The following ABL2 variants were observed in gnomAD, a reference collection of about 807,000 sequenced individuals.
ABL2 encodes tyrosine-protein kinase ABL2.
In ABL2, 49 loss-of-function variants were observed where a neutral mutation model predicts 107.7. The ratio of observed to expected loss-of-function variants is 0.45; its 90% CI spans 0.36 to 0.58. The LOEUF (loss-of-function observed/expected upper bound fraction) is 0.58, where lower values mean the gene tolerates loss of function less well. Ranked by LOEUF, ABL2 falls within the 20% of genes least tolerant of loss-of-function variation. The pLI, the probability that ABL2 is intolerant of heterozygous loss-of-function variation, is 0.00. For missense variants in ABL2, 1,245 were observed against 1,457.0 expected, an observed-to-expected ratio of 0.85 and a Z score of 2.37; for synonymous variants, 549 against 548.6, an observed-to-expected ratio of 1.00 and a Z score of -0.01.
chr1:179,106,745 G>C lies in ABL2; in HGVS notation c.*973C>G, dbSNP rs1653495054. ...TTTAGTTGATAAAGAAAAATACACAGCTGCTCAAGTCCTTGGCCAGTATGT... is the reference window on the plus strand; with the variant it reads ...TTTAGTTGATAAAGAAAAATACACACCTGCTCAAGTCCTTGGCCAGTATGT... On this transcript the variant is annotated 3_prime_UTR_variant, in exon 12 of 12. Transcript: ENST00000502732. 4.3e-6 allele frequency: 1 copy of C among 232,128 alleles called. No homozygotes were observed. The highest frequency in any genetic ancestry group is 8.5e-6 in the Non-Finnish European group (1 of 117,412). 14.4% of individuals were successfully genotyped at this position (232,128 alleles called of 1,614,324 possible). A position where few individuals can be genotyped will look rare whatever the true frequency, so the allele number is the denominator to read the frequency against.
At chr1:179,133,529 A>C (rs1489652437) in intron 1 of ABL2, among the ~76,000 whole-genome samples, 155 bp from the exon 2 acceptor site, 1 of 152,088 alleles carries the variant, frequency 6.6e-6, no homozygotes, top group African/African-American at 2.4e-5. Flanking sequence ...CCATACCTCA[A>C]ATTGTAAACT....
In ABL2 at chr1:179,108,445, T is replaced by C; in HGVS notation, c.2822A>G (p.His941Arg). The change falls in exon 12 of 12, where the codon CAC (histidine) becomes CGC (arginine). Residue 941 changes from histidine (H) to arginine (R), a missense_variant. Coordinates refer to ENST00000502732, the MANE Select transcript of ABL2 (RefSeq NM_007314.4). ...AATGAGCTGCACGTCAGCTGGAGTG[T>C]GTTTCAGAGTGGGTGAGATAAGGAC... is the stretch of plus-strand genomic sequence containing the variant. Reference protein sequence around the residue: ...VPVLISPTLKHTPADVQLIGT... With the variant: ...VPVLISPTLKRTPADVQLIGT... The C allele has an allele frequency of 1.9e-6, 3 of 1,614,216 alleles. No homozygotes were observed. Among genetic ancestry groups the C allele is most frequent in the Non-Finnish European group, 2.5e-6 (3 of 1,180,044 alleles).
chr1:179,124,157 C>T (rs1054177121), intron 4 of ABL2, among the ~76,000 whole-genome samples: 7 of 151,356 alleles, frequency 4.6e-5, no homozygotes, highest in Admixed American at 2.0e-4. Flanking sequence ...AGGAGAACGG[C>T]GTGAACCTGG....
At chr1:179,180,186 T>C (rs928746113) in intron 1 of ABL2, among the ~76,000 whole-genome samples, 1 of 152,008 alleles carries the variant, frequency 6.6e-6, no homozygotes, top group Non-Finnish European at 1.5e-5. Flanking sequence ...GGACAGGCTA[T>C]ATTTACAGGC....
At chr1:179,124,649 A>G (rs145084054) in intron 4 of ABL2, among the ~76,000 whole-genome samples, 2 of 151,560 alleles carry the variant, frequency 1.3e-5, no homozygotes, top group Admixed American at 1.3e-4. Context: ...TTGTATTTGT[A>G]GTAGAGACAG....
intron 1 of ABL2, among the ~76,000 whole-genome samples, chr1:179,185,135 T>C (rs1660611220): frequency 6.6e-6 from 1 of 152,202 alleles, no homozygotes; most frequent in Non-Finnish European, 1.5e-5. Flanking sequence ...TTTACCAATA[T>C]GCATCTGTCT....
At chr1:179,195,541 A>C (rs1021081835) in intron 1 of ABL2, among the ~76,000 whole-genome samples, 1 of 152,188 alleles carries the variant, frequency 6.6e-6, no homozygotes. Flanking sequence ...TATATATTCA[A>C]AAGAATTGAA....
intron 1 of ABL2, among the ~76,000 whole-genome samples, chr1:179,148,622 C>G (rs1658167592): frequency 6.6e-6 from 1 of 152,156 alleles, no homozygotes; most frequent in South Asian, 2.1e-4. Context: ...TAGGCCAAAA[C>G]TGGGCACAGT....
chr1:179,164,311 A>G (rs796459532), intron 1 of ABL2, among the ~76,000 whole-genome samples: 12 of 152,342 alleles, frequency 7.9e-5, no homozygotes, highest in African/African-American at 2.6e-4. Flanking sequence ...ACACATAGTT[A>G]TTATTGAATA....
Position 179,178,633 on chromosome 1 carries a change from TA to T in ABL2, c.158-45260del, listed in dbSNP as rs751138939. Among the ~76,000 whole-genome samples the T allele has an allele frequency of 3.1e-4, 47 of 152,250 alleles. 2 individuals are homozygous for T. Among genetic ancestry groups the T allele is most frequent in the Admixed American group, 9.2e-4 (14 of 15,280 alleles). ...GGGCGGGCATGGTGGCTCATGCCTG[TA>T]ATTCCAGCACTTTGGGAGGCCAAGG... On this transcript the variant is annotated intron_variant, in intron 1 of 11. Transcript: ENST00000502732.
rs201918786 is a variant in ABL2, at chr1:179,121,885, A to C, written c.688-18T>G. 3.5e-5 allele frequency: 54 copies of C among 1,562,726 alleles called. No homozygotes were observed. Among genetic ancestry groups the C allele is most frequent in the Non-Finnish European group, 4.3e-5 (50 of 1,158,372 alleles). On this transcript the variant is annotated intron_variant, in intron 4 of 11. Transcript: ENST00000502732. ...ACATACACCTGGTAAGAAAAGGAGA[A>C]AAGCTAAACAACTTGAAAAGAGATT...
At chr1:179,187,055 T>G (rs1482553247) in intron 1 of ABL2, among the ~76,000 whole-genome samples, 1 of 152,168 alleles carries the variant, frequency 6.6e-6, no homozygotes, top group Non-Finnish European at 1.5e-5. Context: ...TAGTGTACTT[T>G]TCAGTGTCCA....
intron 8 of ABL2, chr1:179,117,114 CGTGAG>C: frequency 1.8e-6 from 1 of 558,000 alleles, no homozygotes; most frequent in Non-Finnish European, 3.1e-6. Context: ...TAATTACAAA[CGTGAG>C]CCACCACACC....
intron 1 of ABL2, among the ~76,000 whole-genome samples, chr1:179,134,840 C>T (rs1266230700): frequency 1.3e-5 from 2 of 152,248 alleles, no homozygotes; most frequent in African/African-American, 4.8e-5. Context: ...CCTGATTCTC[C>T]TGCCTCAGCT....
chr1:179,129,662 A>T (rs1288533732), intron 3 of ABL2, among the ~76,000 whole-genome samples: 1 of 151,042 alleles, frequency 6.6e-6, no homozygotes, highest in Non-Finnish European at 1.5e-5. Context: ...AGCCTGGGTG[A>T]CAGAGCGAGA....
rs1454401616 is a variant in ABL2 at position 179,110,317 on chromosome 1, T to C, written c.1790A>G (p.Asp597Gly). 2.4e-5 allele frequency: 38 copies of C among 1,614,082 alleles called. No individual in the cohort carries two copies. Among genetic ancestry groups the C allele is most frequent in the Non-Finnish European group, 3.1e-5 (36 of 1,180,032 alleles). ...ENKENIEGAQ[D>G]ATENSASSLA... ...ACTGGAAGCAGAATTTTCTGTGGCA[T>C]CTTGTGCCCCTTCAATGTTCTCCTT... The change falls in exon 11 of 12, where the codon GAT becomes GGT. Residue 597 changes from aspartate (D) to glycine (G), a missense_variant. Coordinates refer to ENST00000502732, the MANE Select transcript of ABL2 (RefSeq NM_007314.4).
At chr1:179,138,133 GC>G (rs1344441568) in intron 1 of ABL2, among the ~76,000 whole-genome samples, 2 of 152,134 alleles carry the variant, frequency 1.3e-5, no homozygotes, top group Non-Finnish European at 1.5e-5. Flanking sequence ...TATGAAACCT[GC>G]CCCCTGCCTG....
rs1034709663 is a variant in ABL2 at position 179,194,227 on chromosome 1, T to C, written c.157+35014A>G. Among the ~76,000 whole-genome samples, 6 of 152,326 alleles carry C rather than the reference T, an allele frequency of 3.9e-5. No homozygotes were observed. In the East Asian group the frequency reaches 5.8e-4, roughly 15 times the overall value. On this transcript the variant is annotated intron_variant, in intron 1 of 11. Transcript: ENST00000502732. The stretch of plus-strand genomic sequence containing the variant: ...TTTTTTTGACAAATACCATTTCCAG[T>C]GTTTCAAATACAATAACCTCTTTCA...
intron 1 of ABL2, among the ~76,000 whole-genome samples, chr1:179,173,358 A>ATTTTTT (rs554479137): frequency 2.8e-5 from 3 of 106,122 alleles, no homozygotes; most frequent in African/African-American, 7.5e-5. Context: ...AAAGGCTGTA[A>ATTTTTT]TTTTTTTTTT....
Sources: allele counts gnomAD v4.1 joint callset (sites outside exome capture counted in the v4.1 genomes callset), GRCh38; gene constraint gnomAD v4.1.1; transcripts MANE v1.5; gene names NCBI Gene and HGNC (gene_info 2026-07-23, HGNC 2026-07-21).